Variants in SKP2 observed in about 807,000 individuals in gnomAD.
SKP2 encodes the protein S-phase kinase-associated protein 2.
Under a neutral mutation model 51.8 loss-of-function variants are expected in SKP2, and 16 were observed. The observed-to-expected ratio is 0.31, with a 90% CI of 0.21 to 0.47. SKP2 has a LOEUF of 0.47. SKP2 is among the 20% of genes least tolerant of loss of function. The pLI, the probability that SKP2 is intolerant of heterozygous loss-of-function variation, is 1.00. For missense variants in SKP2, 377 were observed against 505.3 expected (o/e 0.75, Z 2.43); for synonymous variants, 176 against 198.6 (o/e 0.89, Z 0.96).
In SKP2 at chr5:36,183,525, C is replaced by G; in HGVS notation, c.*1494C>G. ...CTCATGATCCGCCCGTCTTGGCCTC[C>G]CAAAGTGCTGGGATTACAGGCATGA... On this transcript the variant is annotated 3_prime_UTR_variant, in exon 10 of 10. Coordinates refer to ENST00000274255, the MANE Select transcript of SKP2 (RefSeq NM_005983.4). 3 of 874,528 alleles carry G rather than the reference C, an allele frequency of 3.4e-6. No individual in the cohort carries two copies. The highest frequency in any genetic ancestry group is 4.1e-6 in the Non-Finnish European group (3 of 726,044). The allele number at this position is 874,528 out of a possible 1,614,324, so 54.2% of individuals were successfully genotyped here. A position where few individuals can be genotyped will look rare whatever the true frequency, so the allele number is the denominator to read the frequency against.
intron 2 of SKP2, among the ~76,000 whole-genome samples, chr5:36,162,119 A>ACTTATG (rs1745139906): frequency 6.6e-6 from 1 of 152,100 alleles, no homozygotes; most frequent in Non-Finnish European, 1.5e-5. Flanking sequence ...TCCTTTTTGA[A>ACTTATG]CTTACGTGAG....
At chr5:36,157,379 T>C (rs1341478539) in intron 2 of SKP2, among the ~76,000 whole-genome samples, 1 of 152,220 alleles carries the variant, frequency 6.6e-6, no homozygotes, top group Non-Finnish European at 1.5e-5. Context: ...AAGTCTTTCA[T>C]AGAAATAAAG....
chr5:36,170,580 G>A, intron 6 of SKP2, 138 bp downstream of exon 6: 1 of 543,772 alleles, frequency 1.8e-6, no homozygotes. Flanking sequence ...AAAATCTTTT[G>A]CCCTCCTAAC....
chr5:36,159,421 A>G (rs1421837543), intron 2 of SKP2, among the ~76,000 whole-genome samples: 3 of 152,052 alleles, frequency 2.0e-5, no homozygotes, highest in Admixed American at 6.5e-5. Flanking sequence ...AAGCTTTTCT[A>G]ATTTCCTTTC....
At chr5:36,176,002 A>G (rs1337576645) in intron 7 of SKP2, among the ~76,000 whole-genome samples, 2 of 152,060 alleles carry the variant, frequency 1.3e-5, no homozygotes, top group African/African-American at 4.8e-5. Flanking sequence ...TCAGTTCACT[A>G]TCCAAAAAAC....
chr5:36,159,078 G>A (rs1745043300), intron 2 of SKP2, among the ~76,000 whole-genome samples: 1 of 152,200 alleles, frequency 6.6e-6, no homozygotes. Context: ...GGCATTGTTA[G>A]GTAATGGATG....
intron 1 of SKP2, 39 bp downstream of exon 1, chr5:36,152,309 C>A: frequency 6.3e-7 from 1 of 1,592,744 alleles, no homozygotes; most frequent in South Asian, 1.1e-5. Flanking sequence ...ATGAAATGGA[C>A]CCTCTTAATA....
intron 7 of SKP2, among the ~76,000 whole-genome samples, chr5:36,173,333 G>C (rs1039115234): frequency 7.9e-5 from 12 of 152,172 alleles, no homozygotes; most frequent in Admixed American, 1.3e-4. Context: ...TGGAATTGCT[G>C]GGTCCAGCAT....
chr5:36,185,085 C>G (rs1013660005), downstream of SKP2, among the ~76,000 whole-genome samples: 11 of 152,112 alleles, frequency 7.2e-5, no homozygotes, highest in African/African-American at 2.7e-4. Flanking sequence ...CTGTTCATAT[C>G]CTTTGCCCAC....
intron 9 of SKP2, among the ~76,000 whole-genome samples, chr5:36,181,374 C>A (rs558419226): frequency 2.0e-5 from 3 of 152,174 alleles, no homozygotes; most frequent in African/African-American, 7.2e-5. Flanking sequence ...GAGCCTAGTT[C>A]AAATAAAGGT....
At chr5:36,186,976 A>C (rs1188545323), downstream of SKP2, among the ~76,000 whole-genome samples, 1 of 151,878 alleles carries the variant, frequency 6.6e-6, no homozygotes, top group Non-Finnish European at 1.5e-5. Context: ...TCTTGGGAGG[A>C]TGTATGTGTC....
At chr5:36,159,801 C>G (rs559296761) in intron 2 of SKP2, among the ~76,000 whole-genome samples, 4 of 152,298 alleles carry the variant, frequency 2.6e-5, no homozygotes, top group Admixed American at 2.6e-4. Context: ...CCCAAATAAA[C>G]TACTTGAAGT....
At chr5:36,184,516 G>T (rs992464670), downstream of SKP2, among the ~76,000 whole-genome samples, 4 of 152,008 alleles carry the variant, frequency 2.6e-5, no homozygotes, top group African/African-American at 9.7e-5. Flanking sequence ...GTGGTGTTTG[G>T]TTTTTTTGTC....
chr5:36,164,793 A>G (rs1281944795), intron 3 of SKP2, among the ~76,000 whole-genome samples: 1 of 152,114 alleles, frequency 6.6e-6, no homozygotes, highest in Non-Finnish European at 1.5e-5. Flanking sequence ...TGTTAATCCC[A>G]TTTTAAAATT....
At chr5:36,177,103 A>C in intron 8 of SKP2, 82 bp from the exon 9 acceptor site, 1 of 1,299,910 alleles carries the variant, frequency 7.7e-7, no homozygotes, top group South Asian at 1.2e-5. Flanking sequence ...TGTTGAAGCA[A>C]CTAAACAGTA....
Position 36,182,572 on chromosome 5 carries a change from A to C in SKP2, c.*541A>C. 1.0e-6 allele frequency: 1 copy of C among 984,216 alleles called. No homozygotes were observed. Among genetic ancestry groups the C allele is most frequent in the Non-Finnish European group, 1.2e-6 (1 of 828,778 alleles). The allele number at this position is 984,216 out of a possible 1,614,324, so 61.0% of individuals were successfully genotyped here. ...AAATGTATTTGAATTTTGCCTTTAG[A>C]TTTGAAATTAGGTTAATAGAAATAA... On this transcript the variant is annotated 3_prime_UTR_variant, in exon 10 of 10. Coordinates refer to ENST00000274255, the MANE Select transcript of SKP2 (RefSeq NM_005983.4).
At chr5:36,153,085 A>C in intron 2 of SKP2, 43 bp downstream of exon 2, 1 of 1,582,986 alleles carries the variant, frequency 6.3e-7, no homozygotes, top group Non-Finnish European at 8.6e-7. Flanking sequence ...CAAAGGGTGG[A>C]TTTAGCTATG....
intron 6 of SKP2, 21 bp downstream of exon 6, chr5:36,170,463 G>C (rs1745433811): frequency 7.4e-7 from 1 of 1,355,410 alleles, no homozygotes; most frequent in Non-Finnish European, 1.1e-6. Context: ...TGTGAGACTT[G>C]ATTATAGACT....
intron 5 of SKP2, among the ~76,000 whole-genome samples, chr5:36,168,820 AG>A (rs1745378487): frequency 6.6e-6 from 1 of 152,228 alleles, no homozygotes; most frequent in African/African-American, 2.4e-5. Context: ...TCTTGCAAGA[AG>A]GTAAACTATT....
Sources: gnomAD v4.1 joint callset for allele counts (sites outside exome capture counted in the v4.1 genomes callset) on GRCh38, gnomAD v4.1.1 for gene constraint, MANE v1.5 for transcripts, NCBI Gene and HGNC (gene_info 2026-07-23, HGNC 2026-07-21) for gene names.